The following CLTC variants were observed in gnomAD, a reference collection of about 807,000 sequenced individuals.
CLTC encodes clathrin heavy chain.
CLTC carries 16 observed loss-of-function variants against 195.8 expected under a neutral mutation model. The ratio of observed to expected loss-of-function variants is 0.08; its 90% CI spans 0.06 to 0.12. The LOEUF (loss-of-function observed/expected upper bound fraction) is 0.12. Among genes scored for constraint, CLTC ranks in the 10% least tolerant of loss-of-function variants. CLTC has a pLI of 1.00. For synonymous variants in CLTC, 667 were observed against 689.4 expected (o/e 0.97, Z 0.51); for missense variants, 796 against 2,027.0 (o/e 0.39, Z 11.66).
intron 2 of CLTC, chr17:59,646,106 T>G: frequency 2.6e-6 from 1 of 381,580 alleles, no homozygotes. Context: ...CATTGTACAA[T>G]AACATCATAG....
chr17:59,690,273 G>T, intron 30 of CLTC: 1 of 174,086 alleles, frequency 5.7e-6, no homozygotes, highest in Non-Finnish European at 1.2e-5. Flanking sequence ...TTTGGGGAGG[G>T]AAGTATTGCC....
intron 1 of CLTC, among the ~76,000 whole-genome samples, chr17:59,627,161 A>C (rs2031577956): frequency 6.6e-6 from 1 of 152,186 alleles, no homozygotes; most frequent in African/African-American, 2.4e-5. Context: ...ACAGCCTCCC[A>C]AAGTGCTGAA....
chr17:59,650,407 G>A (rs902311431), intron 4 of CLTC, among the ~76,000 whole-genome samples: 29 of 151,474 alleles, frequency 1.9e-4, no homozygotes, highest in Non-Finnish European at 3.4e-4. Context: ...TACCATTGTA[G>A]GTAATGTATT....
intron 1 of CLTC, among the ~76,000 whole-genome samples, chr17:59,631,011 A>G (rs1221609106): frequency 6.6e-6 from 1 of 152,252 alleles, no homozygotes; most frequent in Non-Finnish European, 1.5e-5. Context: ...ACCATTTGAC[A>G]TGCCCACTAG....
intron 18 of CLTC, 31 bp downstream of exon 18, chr17:59,679,550 A>G: frequency 2.0e-6 from 3 of 1,533,800 alleles, no homozygotes; most frequent in Non-Finnish European, 2.6e-6. Flanking sequence ...TATGGCTGTC[A>G]GTAAAAATTA....
intron 1 of CLTC, among the ~76,000 whole-genome samples, chr17:59,641,603 C>CAAA (rs34208843): frequency 0.12 from 5,617 of 48,332 alleles, 1,090 homozygotes; most frequent in East Asian, 0.39. Flanking sequence ...GACTCCATCT[C>CAAA]AAAAAAAAAA....
intron 14 of CLTC, among the ~76,000 whole-genome samples, chr17:59,672,609 TC>T (rs1224209732): frequency 6.6e-6 from 1 of 152,206 alleles, no homozygotes; most frequent in African/African-American, 2.4e-5. Flanking sequence ...ATGTGGAAAA[TC>T]TGCAGCTTTA....
intron 30 of CLTC, chr17:59,690,434 G>A: frequency 2.2e-6 from 1 of 455,896 alleles, no homozygotes; most frequent in East Asian, 3.5e-5. Flanking sequence ...CCTCCTTCCT[G>A]AGGGTTTATA....
intron 6 of CLTC, among the ~76,000 whole-genome samples, chr17:59,656,476 T>C (rs1243754770): frequency 6.6e-6 from 1 of 152,090 alleles, no homozygotes; most frequent in Non-Finnish European, 1.5e-5. Flanking sequence ...CTACATCCCT[T>C]TTCCTAGCTC....
intron 9 of CLTC, 78 bp downstream of exon 9, chr17:59,664,072 T>C: frequency 8.3e-7 from 1 of 1,204,904 alleles, no homozygotes; most frequent in Non-Finnish European, 1.2e-6. Flanking sequence ...TAACTCTTGA[T>C]TACTTTAATA....
Position 59,624,454 on chromosome 17 carries a change from CTTTT to C in CLTC, c.42+4303_42+4306del, listed in dbSNP as rs5821272. ...ATAGAAAAATAATATGAGCCACATACTTTTTTTTTTTTTTTTTTTTTTTTTGAGA... is the reference window on the plus strand; with the variant it reads ...ATAGAAAAATAATATGAGCCACATACTTTTTTTTTTTTTTTTTTTTTGAGA... On this transcript the variant is annotated intron_variant, in intron 1 of 31. Transcript: ENST00000269122. Among the ~76,000 whole-genome samples, 420 of 98,136 alleles carry C rather than the reference CTTTT, an allele frequency of 4.3e-3. 2 individuals are homozygous for C. The highest frequency in any genetic ancestry group is 0.018 in the African/African-American group (388 of 21,640). The allele number at this position is 98,136 out of a possible 152,430, so 64.4% of individuals were successfully genotyped here. A position where few individuals can be genotyped will look rare whatever the true frequency, so the allele number is the denominator to read the frequency against.
chr17:59,643,294 T>C (rs958008241), intron 1 of CLTC, among the ~76,000 whole-genome samples: 12 of 152,098 alleles, frequency 7.9e-5, no homozygotes, highest in African/African-American at 2.9e-4. Context: ...TGTTACAACA[T>C]AGTTAGTCAC....
intron 5 of CLTC, among the ~76,000 whole-genome samples, chr17:59,654,738 C>T (rs2032422526): frequency 2.0e-5 from 3 of 152,230 alleles, no homozygotes; most frequent in South Asian, 4.1e-4. Context: ...ACCTCGGCCT[C>T]CTAAAGTGCT....
intron 15 of CLTC, 146 bp from the exon 16 acceptor site, chr17:59,674,555 T>C: frequency 1.5e-6 from 1 of 650,756 alleles, no homozygotes; most frequent in South Asian, 2.3e-5. Flanking sequence ...GTTGCAAATT[T>C]AGACCCTCAG....
chr17:59,680,045 C>CA (rs915828195), intron 18 of CLTC, among the ~76,000 whole-genome samples: 1 of 150,754 alleles, frequency 6.6e-6, no homozygotes, highest in East Asian at 1.9e-4. Context: ...AAGACTGTCT[C>CA]AAAAAAACAA....
intron 6 of CLTC, among the ~76,000 whole-genome samples, chr17:59,656,673 T>A (rs1203726258): frequency 7.0e-6 from 1 of 143,802 alleles, no homozygotes; most frequent in Non-Finnish European, 1.5e-5. Context: ...TTAATTTTTT[T>A]TTTTTTTTTT....
intron 5 of CLTC, among the ~76,000 whole-genome samples, chr17:59,653,907 G>A (rs943590254): frequency 2.6e-5 from 4 of 151,774 alleles, no homozygotes; most frequent in Non-Finnish European, 4.4e-5. Context: ...CGAGTAGCTG[G>A]GATTACAGGC....
intron 14 of CLTC, among the ~76,000 whole-genome samples, chr17:59,672,407 T>C (rs1383964880): frequency 2.0e-5 from 3 of 150,736 alleles, no homozygotes. Flanking sequence ...AACAAAAATA[T>C]TTTATATGTG....
Position 59,677,075 on chromosome 17 carries a change from C to G in CLTC, c.2683C>G (p.Arg895Gly). 6.2e-7 allele frequency: 1 copy of G among 1,614,024 alleles called. No individual in the cohort carries two copies. Among genetic ancestry groups the G allele is most frequent in the Non-Finnish European group, 8.5e-7 (1 of 1,179,978 alleles). The change falls in exon 17 of 32, where the codon CGT becomes GGT. Residue 895 changes from arginine (R) to glycine (G), a missense_variant. Coordinates refer to ENST00000269122, the MANE Select transcript of CLTC (RefSeq NM_004859.4). ...TAATAACAACCCGGAGAGATTTCTT[C>G]GTGAAAATCCCTACTATGACAGTCG... is the stretch of plus-strand genomic sequence containing the variant. ...DSNNNPERFL[R>G]ENPYYDSRVV...
Sources: allele counts gnomAD v4.1 joint callset (sites outside exome capture counted in the v4.1 genomes callset), GRCh38; gene constraint gnomAD v4.1.1; transcripts MANE v1.5; gene names NCBI Gene and HGNC (gene_info 2026-07-23, HGNC 2026-07-21).